KIRREL3: variants seen among roughly 807,000 people sequenced by gnomAD.
KIRREL3 encodes kin of IRRE-like protein 3.
Under a neutral mutation model 89.7 loss-of-function variants are expected in KIRREL3, and 36 were observed. The observed-to-expected ratio is 0.40, with a 90% CI of 0.31 to 0.53. The LOEUF (loss-of-function observed/expected upper bound fraction) is 0.53, where lower values mean the gene tolerates loss of function less well. Ranked by LOEUF, KIRREL3 falls within the 20% of genes least tolerant of loss-of-function variation. The probability of loss-of-function intolerance (pLI) is 0.49; values close to 1 mark genes in which losing one functional copy is unlikely to be tolerated. For missense variants in KIRREL3, 864 were observed against 1,056.6 expected (o/e 0.82, Z 2.53); for synonymous variants, 445 against 441.4 (o/e 1.01, Z -0.10).
intron 1 of KIRREL3, among the ~76,000 whole-genome samples, chr11:126,874,579 A>T (rs1465652243): frequency 1.3e-5 from 2 of 152,144 alleles, no homozygotes; most frequent in African/African-American, 2.4e-5. Flanking sequence ...TGGACGCTTT[A>T]TTTTCAGGGT....
rs1040207598 is a variant in KIRREL3 at position 126,776,849 on chromosome 11, C to G, written c.56-213937G>C. Among the ~76,000 whole-genome samples the G allele has an allele frequency of 1.3e-5, 2 of 152,242 alleles. No individual in the cohort carries two copies. The highest frequency in any genetic ancestry group is 4.8e-5 in the African/African-American group (2 of 41,464). On this transcript the variant is annotated intron_variant, in intron 1 of 16. Transcript: ENST00000525144. This position sits in a 1 kb window ranked among gnomAD's most constrained non-coding sequence, Gnocchi z 4.7. ...TCATACCCAGCCAGCAGTGTCCCAG[C>G]TTTCCTGGCCCTGCCTGGGGTAGTC...
At position 126,648,172 on chromosome 11, in the gene KIRREL3, C is replaced by T. The variant is rs536538141; in HGVS notation, c.56-85260G>A. On this transcript the variant is annotated intron_variant, in intron 1 of 16. Coordinates refer to ENST00000525144, the MANE Select transcript of KIRREL3 (RefSeq NM_032531.4). ...TAATATGGGCCTACTTCCCCTTTGC[C>T]TTCCACCATGATTGTAAGTTTTCTG... Among the ~76,000 whole-genome samples the T allele has an allele frequency of 3.3e-5, 5 of 152,322 alleles. No homozygotes were observed. The East Asian group carries it at 9.7e-4, about 29-fold the overall frequency.
chr11:126,511,912 C>T (rs1217800242), intron 4 of KIRREL3, among the ~76,000 whole-genome samples: 1 of 152,190 alleles, frequency 6.6e-6, no homozygotes, highest in Non-Finnish European at 1.5e-5. Flanking sequence ...AGAGGGCTCC[C>T]TGTGCAGCTG....
At chr11:126,552,988 A>G (rs1037194559) in intron 2 of KIRREL3, among the ~76,000 whole-genome samples, 3 of 152,216 alleles carry the variant, frequency 2.0e-5, no homozygotes, top group Admixed American at 6.5e-5. Context: ...TCTTCCCCAG[A>G]TCAGCCAGAA....
At position 126,791,211 on chromosome 11, in the gene KIRREL3, G is replaced by A. The variant is rs11819929; in HGVS notation, c.55+209244C>T. Among the ~76,000 whole-genome samples, 15,054 of 152,182 alleles carry A rather than the reference G, an allele frequency of 0.099. 818 individuals are homozygous for A. Among genetic ancestry groups the A allele is most frequent in the Middle Eastern group, 0.14 (41 of 294 alleles). The stretch of plus-strand genomic sequence containing the variant: ...CTGTGTTTAGGAAACCTCTTATTGA[G>A]GAAAGAGTACATTTTGGGGGGCCTG... On this transcript the variant is annotated intron_variant, in intron 1 of 16. Coordinates refer to ENST00000525144, the MANE Select transcript of KIRREL3 (RefSeq NM_032531.4). This position sits in a 1 kb window ranked among gnomAD's most constrained non-coding sequence, Gnocchi z 4.8.
chr11:126,523,534 T>A lies in KIRREL3; in HGVS notation c.284-2070A>T, dbSNP rs1018152017. Among the ~76,000 whole-genome samples the A allele has an allele frequency of 6.6e-6, 1 of 152,126 alleles. No homozygotes were observed. The highest frequency in any genetic ancestry group is 2.4e-5 in the African/African-American group (1 of 41,440). On this transcript the variant is annotated intron_variant, in intron 3 of 16. Coordinates refer to ENST00000525144, the MANE Select transcript of KIRREL3 (RefSeq NM_032531.4). The surrounding 1 kb of genome is among the most constrained non-coding windows in gnomAD (Gnocchi z 4.9). The stretch of plus-strand genomic sequence containing the variant: ...AAAATGGCCCTGTCCTCCCCAGCTG[T>A]GCAGGCCTGGCCAGAAAAGCTCACA...
Position 126,739,276 on chromosome 11 carries a change from AT to A in KIRREL3, c.56-176365del, listed in dbSNP as rs1481290843. Among the ~76,000 whole-genome samples, 18 of 152,244 alleles carry A rather than the reference AT, an allele frequency of 1.2e-4. No individual in the cohort carries two copies. Among genetic ancestry groups the A allele is most frequent in the Admixed American group, 9.8e-4 (15 of 15,288 alleles). ...GCATTAGGTGATACTTATAGTATTA[AT>A]TCGACTGCCTTTTGGCATGGTTATG... On this transcript the variant is annotated intron_variant, in intron 1 of 16. Coordinates refer to ENST00000525144, the MANE Select transcript of KIRREL3 (RefSeq NM_032531.4). This position sits in a 1 kb window ranked among gnomAD's most constrained non-coding sequence, Gnocchi z 5.5.
intron 1 of KIRREL3, among the ~76,000 whole-genome samples, chr11:126,887,350 T>G (rs1194036988): frequency 6.6e-6 from 1 of 152,142 alleles, no homozygotes; most frequent in African/African-American, 2.4e-5. Flanking sequence ...GGAGGGGAGA[T>G]GCTTTGGGGA....
chr11:126,802,978 C>A lies in KIRREL3; in HGVS notation c.55+197477G>T, dbSNP rs1396484371. Among the ~76,000 whole-genome samples the A allele has an allele frequency of 6.6e-6, 1 of 152,044 alleles. No homozygotes were observed. The highest frequency in any genetic ancestry group is 1.9e-4 in the East Asian group (1 of 5,186). ...CTTACTGTGTAAGGGAGCTGTATTC[C>A]CTGGAAGCTTCCTACATGGGTATTA... On this transcript the variant is annotated intron_variant, in intron 1 of 16. Coordinates refer to ENST00000525144, the MANE Select transcript of KIRREL3 (RefSeq NM_032531.4). The surrounding 1 kb of genome is among the most constrained non-coding windows in gnomAD (Gnocchi z 5.2).
At chr11:126,538,341 C>T (rs1938081988) in intron 2 of KIRREL3, among the ~76,000 whole-genome samples, 1 of 152,200 alleles carries the variant, frequency 6.6e-6, no homozygotes, top group Non-Finnish European at 1.5e-5. Context: ...TGTAAATTGC[C>T]TCTTATGAGA....
rs1591778737 is a variant in KIRREL3 at position 126,585,218 on chromosome 11, C to CTGTTTT, written c.56-22307_56-22306insAAAACA. On this transcript the variant is annotated intron_variant, in intron 1 of 16. Coordinates refer to ENST00000525144, the MANE Select transcript of KIRREL3 (RefSeq NM_032531.4). ...ACAGGCGTGAGCCACCGCGCCCGGC[C>CTGTTTT]TCTTTTTTTTTTTTTTTTTTTTTTT... 3.8e-5 allele frequency among the ~76,000 whole-genome samples: 5 copies of CTGTTTT among 130,610 alleles called. No homozygotes were observed. In the East Asian group the frequency reaches 9.0e-4, roughly 24 times the overall value. The allele number at this position is 130,610 out of a possible 152,430, so 85.7% of individuals were successfully genotyped here. A position where few individuals can be genotyped will look rare whatever the true frequency, so the allele number is the denominator to read the frequency against.
chr11:126,866,155 T>C (rs1051668851), intron 1 of KIRREL3, among the ~76,000 whole-genome samples: 1 of 151,982 alleles, frequency 6.6e-6, no homozygotes, highest in Non-Finnish European at 1.5e-5. Context: ...TCTTAGAGAG[T>C]GATGGGGGAG....
chr11:126,519,514 A>G lies in KIRREL3; in HGVS notation c.433+1801T>C, dbSNP rs1192006479. On this transcript the variant is annotated intron_variant, in intron 4 of 16. Coordinates refer to ENST00000525144, the MANE Select transcript of KIRREL3 (RefSeq NM_032531.4). The surrounding 1 kb of genome is among the most constrained non-coding windows in gnomAD (Gnocchi z 4.3). ...TGAGAGGAAAGGAAGTGTAATGATC[A>G]TGTCAGGACTGGGGAAGTCAATACA... 6.6e-6 allele frequency among the ~76,000 whole-genome samples: 1 copy of G among 152,204 alleles called. No homozygotes were observed. The highest frequency in any genetic ancestry group is 1.5e-5 in the Non-Finnish European group (1 of 68,046).
At chr11:126,529,355 G>A (rs1958867881) in intron 2 of KIRREL3, among the ~76,000 whole-genome samples, 7 of 152,194 alleles carry the variant, frequency 4.6e-5, no homozygotes, top group Admixed American at 4.6e-4. Flanking sequence ...ACTCTGAGTG[G>A]CCACAGACCC....
At chr11:126,986,148 G>A (rs767756503) in intron 1 of KIRREL3, among the ~76,000 whole-genome samples, 12 of 152,126 alleles carry the variant, frequency 7.9e-5, no homozygotes, top group South Asian at 4.2e-4. Context: ...TCTGTGGCTG[G>A]CTCCCCCCAA....
intron 1 of KIRREL3, among the ~76,000 whole-genome samples, chr11:126,589,184 C>T (rs1262667602): frequency 6.6e-6 from 1 of 152,260 alleles, no homozygotes; most frequent in Non-Finnish European, 1.5e-5. Context: ...AATATTTCTC[C>T]TCTGTTCATC....
rs1591939337 is a variant in KIRREL3 at position 126,676,879 on chromosome 11, G to A, written c.56-113967C>T. Among the ~76,000 whole-genome samples the A allele has an allele frequency of 6.6e-6, 1 of 151,938 alleles. No individual in the cohort carries two copies. Among genetic ancestry groups the A allele is most frequent in the African/African-American group, 2.4e-5 (1 of 41,404 alleles). ...AGGTCACCGCAGCCTCGATCTCCCA[G>A]GCTCAAGCGGTCGTCCTGCCTAAAC... On this transcript the variant is annotated intron_variant, in intron 1 of 16. Coordinates refer to ENST00000525144, the MANE Select transcript of KIRREL3 (RefSeq NM_032531.4). This position sits in a 1 kb window ranked among gnomAD's most constrained non-coding sequence, Gnocchi z 4.5.
At chr11:126,956,563 C>T (rs1948927983) in intron 1 of KIRREL3, among the ~76,000 whole-genome samples, 2 of 152,168 alleles carry the variant, frequency 1.3e-5, no homozygotes, top group African/African-American at 2.4e-5. Context: ...AAGCAGCAGC[C>T]CAAGGAGACG....
rs914617541 is a variant in KIRREL3 at position 126,867,501 on chromosome 11, C to G, written c.55+132954G>C. On this transcript the variant is annotated intron_variant, in intron 1 of 16. Transcript: ENST00000525144. The surrounding 1 kb of genome is among the most constrained non-coding windows in gnomAD (Gnocchi z 4.7). ...TACTCTTTCTGTAACTCAGCCAGCCCTTTCTGATAAGTCACTTCCCCAAAC... is the reference window on the plus strand; with the variant it reads ...TACTCTTTCTGTAACTCAGCCAGCCGTTTCTGATAAGTCACTTCCCCAAAC... Among the ~76,000 whole-genome samples, 12 of 152,360 alleles carry G rather than the reference C, an allele frequency of 7.9e-5. No homozygotes were observed. Among genetic ancestry groups the G allele is most frequent in the Non-Finnish European group, 1.3e-4 (9 of 68,032 alleles).
Sources: allele counts gnomAD v4.1 joint callset (sites outside exome capture counted in the v4.1 genomes callset), GRCh38; gene constraint gnomAD v4.1.1; non-coding constraint Gnocchi (gnomAD v3.1); transcripts MANE v1.5; gene names NCBI Gene and HGNC (gene_info 2026-07-23, HGNC 2026-07-21).